Variants in MTOR observed in about 807,000 individuals in gnomAD.
MTOR encodes mechanistic target of rapamycin kinase, also known as serine/threonine-protein kinase mTOR.
MTOR carries 70 observed loss-of-function variants against 319.8 expected under a neutral mutation model. The observed-to-expected ratio is 0.22, with a 90% CI of 0.18 to 0.27. MTOR has a LOEUF of 0.27. Ranked by LOEUF, MTOR falls within the 10% of genes least tolerant of loss-of-function variation. MTOR has a pLI of 1.00. For synonymous variants in MTOR, 1,183 were observed against 1,211.4 expected (o/e 0.98, Z 0.49); for missense variants, 1,890 against 3,274.4 (o/e 0.58, Z 10.32).
chr1:11,167,277 C>A (rs945225901), intron 29 of MTOR, among the ~76,000 whole-genome samples, 165 bp downstream of exon 29: 2 of 151,726 alleles, frequency 1.3e-5, no homozygotes, highest in African/African-American at 4.8e-5. Context: ...AGAGTCCCTA[C>A]AGACACAGTT....
intron 28 of MTOR, among the ~76,000 whole-genome samples, chr1:11,173,480 GC>G (rs954763917): frequency 1.3e-5 from 2 of 151,364 alleles, no homozygotes; most frequent in African/African-American, 4.9e-5. Flanking sequence ...ATGAAGTTTT[GC>G]CGTGTTGCCC....
chr1:11,254,631 C>T lies in MTOR; in HGVS notation c.706-658G>A, dbSNP rs376048767. On this transcript the variant is annotated intron_variant, in intron 5 of 57. Transcript: ENST00000361445. ...AATATAAGACTCACTGATAAGTTCCCTCTGCAGCAGTAATCAGCACAGGCC... is the reference window on the plus strand; with the variant it reads ...AATATAAGACTCACTGATAAGTTCCTTCTGCAGCAGTAATCAGCACAGGCC... 1.9e-3 allele frequency among the ~76,000 whole-genome samples: 285 copies of T among 152,288 alleles called. 2 individuals are homozygous for T. Among genetic ancestry groups the T allele is most frequent in the South Asian group, 5.0e-3 (24 of 4,826 alleles).
chr1:11,118,721 G>A (rs1642331885), intron 49 of MTOR, among the ~76,000 whole-genome samples: 1 of 149,956 alleles, frequency 6.7e-6, no homozygotes, highest in Non-Finnish European at 1.5e-5. Flanking sequence ...CTTGCCTCCT[G>A]GCTCAAGTGA....
At chr1:11,185,442 A>G (rs1222300089) in intron 28 of MTOR, among the ~76,000 whole-genome samples, 1 of 151,542 alleles carries the variant, frequency 6.6e-6, no homozygotes, top group Non-Finnish European at 1.5e-5. Context: ...GAAAGAAAGA[A>G]AGAAAGAAAA....
intron 19 of MTOR, among the ~76,000 whole-genome samples, chr1:11,218,455 G>T (rs530954165): frequency 5.9e-5 from 9 of 151,886 alleles, no homozygotes; most frequent in Non-Finnish European, 1.3e-4. Context: ...TTATTACAAA[G>T]ATCAAGGAAA....
At chr1:11,186,614 G>C (rs1645330506) in intron 28 of MTOR, among the ~76,000 whole-genome samples, 1 of 152,178 alleles carries the variant, frequency 6.6e-6, no homozygotes, top group African/African-American at 2.4e-5. Context: ...AGGTCACTCT[G>C]CTCACTGAAA....
At chr1:11,202,188 G>A (rs1645992211) in intron 26 of MTOR, among the ~76,000 whole-genome samples, 2 of 152,094 alleles carry the variant, frequency 1.3e-5, no homozygotes, top group African/African-American at 2.4e-5. Flanking sequence ...CCAGCACTCT[G>A]GGAGGCCGAG....
chr1:11,204,631 G>A lies in MTOR; in HGVS notation c.3874C>T (p.Leu1292=). 1 of 1,614,218 alleles carries A rather than the reference G, an allele frequency of 6.2e-7. No homozygotes were observed. Reference sequence around the variant, plus strand: ...AGGGAGGGCGATGATGAGTCCTTCAGCAGCTCCAGGCTCAGCCGTCTCAGC... The same window carrying A: ...AGGGAGGGCGATGATGAGTCCTTCAACAGCTCCAGGCTCAGCCGTCTCAGC... ...EWLRRLSLEL[L]KDSSSPSLRS... The change falls in exon 26 of 58, where the codon CTG becomes TTG. Residue 1292 remains leucine (L), a synonymous_variant. Coordinates refer to ENST00000361445, the MANE Select transcript of MTOR (RefSeq NM_004958.4).
intron 28 of MTOR, among the ~76,000 whole-genome samples, chr1:11,180,781 GT>G (rs60096418): frequency 3.0e-3 from 426 of 141,928 alleles, no homozygotes; most frequent in Middle Eastern, 3.6e-3. Flanking sequence ...AATAAGGCAG[GT>G]TTTTTTTTTT....
At chr1:11,210,927 G>GA (rs747548571) in intron 23 of MTOR, 21 bp from the exon 24 acceptor site, 1 of 1,458,402 alleles carries the variant, frequency 6.9e-7, no homozygotes, top group South Asian at 1.2e-5. Flanking sequence ...AGGGGGAAGA[G>GA]ATGAGAAACT....
In MTOR at chr1:11,128,957, AAAG is replaced by A; in HGVS notation, c.5715-9_5715-7del. ...CAAACCATAAGGTGAGAACTCTGAA[AAAG>A]AAATGAGAAAGTCACAGAAAATTTA... On this transcript the variant is annotated splice_polypyrimidine_tract_variant and splice_region_variant and intron_variant, in intron 40 of 57. Coordinates refer to ENST00000361445, the MANE Select transcript of MTOR (RefSeq NM_004958.4). This position sits in a 1 kb window ranked among gnomAD's most constrained non-coding sequence, Gnocchi z 5.3. 1 of 1,611,108 alleles carries A rather than the reference AAAG, an allele frequency of 6.2e-7. No individual in the cohort carries two copies. The highest frequency in any genetic ancestry group is 1.1e-5 in the South Asian group (1 of 90,448).
chr1:11,166,837 A>G (rs1475281155), intron 29 of MTOR, among the ~76,000 whole-genome samples: 1 of 152,236 alleles, frequency 6.6e-6, no homozygotes, highest in Admixed American at 6.5e-5. Context: ...AAAGACTTGG[A>G]ACCAACCCAA....
At chr1:11,153,690 C>T (rs1334298478) in intron 30 of MTOR, among the ~76,000 whole-genome samples, 3 of 152,156 alleles carry the variant, frequency 2.0e-5, no homozygotes, top group African/African-American at 7.2e-5. Flanking sequence ...CTGTCCAATA[C>T]AGCAGCCACT....
At chr1:11,126,516 G>A (rs1008188754) in intron 46 of MTOR, 106 bp downstream of exon 46, 4 of 1,263,990 alleles carry the variant, frequency 3.2e-6, no homozygotes, top group East Asian at 2.4e-5. Context: ...ATGTAGCTAT[G>A]ATAGGTGAGT....
chr1:11,238,756 C>T (rs552440870), intron 11 of MTOR, 139 bp from the exon 12 acceptor site: 10 of 670,020 alleles, frequency 1.5e-5, no homozygotes, highest in African/African-American at 1.1e-4. Flanking sequence ...GATACTGACC[C>T]GGAACTCTTC....
rs1382019759 is a variant in MTOR at position 11,228,911 on chromosome 1, A to G, written c.2787T>C (p.Tyr929=). The G allele has an allele frequency of 1.2e-6, 2 of 1,614,052 alleles. No individual in the cohort carries two copies. Among genetic ancestry groups the G allele is most frequent in the African/African-American group, 1.3e-5 (1 of 74,946 alleles). Residue 929 remains tyrosine, a synonymous_variant, in exon 19 of 58, where the codon TAT becomes TAC. Transcript: ENST00000361445. ...ESKSSQDSSD[Y]STSEMLVNMG... is the part of the protein sequence containing the mutation. ...TGTTGACCAGCATTTCACTAGTGCT[A>G]TAGTCAGCTAGGACAAAACAACAGA...
intron 19 of MTOR, among the ~76,000 whole-genome samples, chr1:11,221,264 G>A (rs1646651020): frequency 1.3e-5 from 2 of 152,026 alleles, no homozygotes; most frequent in African/African-American, 2.4e-5. Context: ...CAAAGTGTTG[G>A]GGTTACAGAT....
Position 11,230,972 on chromosome 1 carries a change from T to C in MTOR, c.2732A>G (p.Asp911Gly), listed in dbSNP as rs1383113049. The C allele has an allele frequency of 6.2e-7, 1 of 1,613,972 alleles. No individual in the cohort carries two copies. The highest frequency in any genetic ancestry group is 8.5e-7 in the Non-Finnish European group (1 of 1,180,024). ...VNIGMIDQSR[D>G]ASAVSLSESK... ...TTCTGACAGGCTGACAGCAGAGGCA[T>C]CCCGGGACTGGTCTATCATGCCAAT... Residue 911 changes from aspartate to glycine, a missense_variant, in exon 18 of 58, where the codon GAT becomes GGT. Around this residue, in one of 15 missense-constraint regions of MTOR, gnomAD observed 377 missense variants for 653.9 expected, o/e 0.58. Transcript: ENST00000361445.
chr1:11,248,755 T>C (rs970512240), intron 6 of MTOR, among the ~76,000 whole-genome samples: 1 of 152,024 alleles, frequency 6.6e-6, no homozygotes, highest in East Asian at 1.9e-4. Flanking sequence ...GAGGTTGCAG[T>C]GAGCCAAGAT....
Sources: gnomAD v4.1 joint callset for allele counts (sites outside exome capture counted in the v4.1 genomes callset) on GRCh38, gnomAD v4.1.1 for gene constraint, gnomAD v4.1.1 regional missense constraint, Gnocchi (gnomAD v3.1) non-coding constraint, MANE v1.5 for transcripts, NCBI Gene and HGNC (gene_info 2026-07-23, HGNC 2026-07-21) for gene names.